ASTN2: variants seen among roughly 807,000 people sequenced by gnomAD.
The protein encoded by ASTN2 is astrotactin 2.
In ASTN2, 54 loss-of-function variants were observed where a neutral mutation model predicts 139.8. The ratio of observed to expected loss-of-function variants is 0.39; its 90% CI spans 0.31 to 0.48. ASTN2 has a LOEUF of 0.48. Ranked by LOEUF, ASTN2 falls within the 20% of genes least tolerant of loss-of-function variation. The pLI is 0.95. For synonymous variants in ASTN2, 756 were observed against 719.5 expected (o/e 1.05, Z -0.81); for missense variants, 1,565 against 1,725.1 (o/e 0.91, Z 1.64).
chr9:117,095,476 A>C (rs761687795), intron 5 of ASTN2, among the ~76,000 whole-genome samples: 1 of 152,244 alleles, frequency 6.6e-6, no homozygotes, highest in Non-Finnish European at 1.5e-5. Flanking sequence ...GAAACTGCCT[A>C]GAAAGGCACA....
chr9:116,802,222 G>A (rs897744218), intron 13 of ASTN2, among the ~76,000 whole-genome samples: 1 of 151,776 alleles, frequency 6.6e-6, no homozygotes, highest in Non-Finnish European at 1.5e-5. Context: ...AAGTAGCTGG[G>A]ACAACAGGCA....
At position 116,843,268 on chromosome 9, in the gene ASTN2, C is replaced by T. The variant is rs937704122; in HGVS notation, c.2040+20315G>A. Among the ~76,000 whole-genome samples, 5 of 152,180 alleles carry T rather than the reference C, an allele frequency of 3.3e-5. No homozygotes were observed. The East Asian group carries it at 5.8e-4, about 18-fold the overall frequency. ...AAATACTATGCAGCCATAAAAAAAT[C>T]ATGTCCTTTGCAGCAATATGGATGC... On this transcript the variant is annotated intron_variant, in intron 11 of 22. Coordinates refer to ENST00000313400, the MANE Select transcript of ASTN2 (RefSeq NM_001365068.1).
chr9:117,064,703 C>T (rs56946125), intron 5 of ASTN2, among the ~76,000 whole-genome samples: 87 of 152,082 alleles, frequency 5.7e-4, no homozygotes, highest in African/African-American at 2.0e-3. Context: ...GGGTACAATG[C>T]ACATGATCCA....
chr9:117,027,509 G>C (rs1014602508), intron 6 of ASTN2, among the ~76,000 whole-genome samples: 1 of 152,122 alleles, frequency 6.6e-6, no homozygotes, highest in Non-Finnish European at 1.5e-5. Context: ...CTTTGCTCAT[G>C]CTGTTCTCTT....
At chr9:116,664,668 A>T (rs1277829272) in intron 16 of ASTN2, among the ~76,000 whole-genome samples, 1 of 151,766 alleles carries the variant, frequency 6.6e-6, no homozygotes, top group African/African-American at 2.4e-5. Context: ...TCTACAAATT[A>T]TATACCCACT....
intron 20 of ASTN2, among the ~76,000 whole-genome samples, chr9:116,470,267 T>C (rs918880856): frequency 6.6e-6 from 1 of 151,956 alleles, no homozygotes; most frequent in Non-Finnish European, 1.5e-5. Context: ...GGATGAATAG[T>C]GTTAACCCAG....
At chr9:116,429,339 GAA>G (rs34731241) in intron 22 of ASTN2, among the ~76,000 whole-genome samples, 17 of 90,848 alleles carry the variant, frequency 1.9e-4, no homozygotes, top group Admixed American at 5.8e-4. Context: ...AACTCTATCT[GAA>G]AAAAAAAAAA....
chr9:116,887,393 C>T (rs535524705), intron 10 of ASTN2, among the ~76,000 whole-genome samples: 58 of 151,640 alleles, frequency 3.8e-4, no homozygotes, highest in Admixed American at 1.3e-3. Context: ...TGCAGGATCC[C>T]CCGAGGAGAG....
At chr9:116,510,303 G>T (rs1850315252) in intron 19 of ASTN2, among the ~76,000 whole-genome samples, 1 of 152,170 alleles carries the variant, frequency 6.6e-6, no homozygotes, top group Non-Finnish European at 1.5e-5. Flanking sequence ...GTTTGTCAAA[G>T]ATCAGATGGT....
intron 3 of ASTN2, among the ~76,000 whole-genome samples, chr9:117,143,501 TATTC>T (rs931309812): frequency 6.6e-6 from 1 of 152,210 alleles, no homozygotes; most frequent in African/African-American, 2.4e-5. Flanking sequence ...GATCTGTCAA[TATTC>T]ATTCATTCAT....
At chr9:116,791,038 AG>A (rs1830540163) in intron 13 of ASTN2, among the ~76,000 whole-genome samples, 1 of 90,306 alleles carries the variant, frequency 1.1e-5, no homozygotes, top group African/African-American at 3.7e-5. Context: ...AAAGAAAGAA[AG>A]AAAGAAAAGA....
Position 116,682,406 on chromosome 9 carries a change from C to A in ASTN2, c.2807-30613G>T, listed in dbSNP as rs7854862. On this transcript the variant is annotated intron_variant, in intron 16 of 22. Coordinates refer to ENST00000313400, the MANE Select transcript of ASTN2 (RefSeq NM_001365068.1). Reference sequence around the variant, plus strand: ...TGCTGGAGAGGATGTGGAGAAATAGCAACACTTTTACACTGTTGGTGGGAC... The same window carrying A: ...TGCTGGAGAGGATGTGGAGAAATAGAAACACTTTTACACTGTTGGTGGGAC... Among the ~76,000 whole-genome samples the A allele has an allele frequency of 4.6e-5, 7 of 152,180 alleles. No individual in the cohort carries two copies. In the East Asian group the frequency reaches 1.4e-3, roughly 30 times the overall value.
intron 20 of ASTN2, among the ~76,000 whole-genome samples, chr9:116,464,204 T>TA (rs1163478196): frequency 1.3e-5 from 2 of 152,142 alleles, no homozygotes; most frequent in Non-Finnish European, 2.9e-5. Context: ...AATATATATA[T>TA]ATATCTGTAT....
intron 1 of ASTN2, among the ~76,000 whole-genome samples, chr9:117,293,655 GGT>G (rs1419797459): frequency 4.6e-5 from 7 of 152,112 alleles, no homozygotes; most frequent in African/African-American, 1.7e-4. Flanking sequence ...CCCAGGCTGG[GGT>G]GATCTGCTGC....
At chr9:117,181,264 A>G (rs1040276145) in intron 3 of ASTN2, 2 of 482,388 alleles carry the variant, frequency 4.1e-6, no homozygotes, top group Admixed American at 6.9e-5. Flanking sequence ...TCACATAACT[A>G]TTTCAGAGAT....
At chr9:117,237,170 G>T (rs1370847236) in intron 2 of ASTN2, among the ~76,000 whole-genome samples, 2 of 152,122 alleles carry the variant, frequency 1.3e-5, no homozygotes, top group Non-Finnish European at 2.9e-5. Flanking sequence ...AAAAGTAATT[G>T]TGATTTTGCC....
chr9:117,071,900 G>C (rs527421940), intron 5 of ASTN2, among the ~76,000 whole-genome samples: 1 of 151,778 alleles, frequency 6.6e-6, no homozygotes, highest in African/African-American at 2.4e-5. Context: ...ACTGGCCTGC[G>C]CCCACTGTCT....
intron 1 of ASTN2, among the ~76,000 whole-genome samples, chr9:117,326,709 G>A (rs2130841186): frequency 6.6e-6 from 1 of 152,238 alleles, no homozygotes; most frequent in Non-Finnish European, 1.5e-5. Flanking sequence ...ACTGATATGT[G>A]GAAAGGCAGA....
chr9:117,099,207 G>A (rs1828914168), intron 4 of ASTN2, among the ~76,000 whole-genome samples: 1 of 151,702 alleles, frequency 6.6e-6, no homozygotes, highest in Non-Finnish European at 1.5e-5. Flanking sequence ...ATTCTCTTAT[G>A]TTCAGAAAAC....
Sources: gnomAD v4.1 joint callset for allele counts (sites outside exome capture counted in the v4.1 genomes callset) on GRCh38, gnomAD v4.1.1 for gene constraint, MANE v1.5 for transcripts, NCBI Gene and HGNC (gene_info 2026-07-23, HGNC 2026-07-21) for gene names.